MAP4: variants seen among roughly 807,000 people sequenced by gnomAD.
MAP4 encodes the protein microtubule-associated protein 4.
In MAP4, 76 loss-of-function variants were observed where a neutral mutation model predicts 170.2. The observed-to-expected ratio is 0.45, with a 90% CI of 0.37 to 0.54. The LOEUF (loss-of-function observed/expected upper bound fraction) is 0.54. Ranked by LOEUF, MAP4 falls within the 20% of genes least tolerant of loss-of-function variation. The pLI, the probability that MAP4 is intolerant of heterozygous loss-of-function variation, is 0.00. For missense variants in MAP4, 2,506 were observed against 2,748.0 expected, an observed-to-expected ratio of 0.91 and a Z score of 1.97; for synonymous variants, 909 against 994.5, an observed-to-expected ratio of 0.91 and a Z score of 1.62.
intron 1 of MAP4, among the ~76,000 whole-genome samples, chr3:48,044,377 G>C (rs1230623435): frequency 6.6e-6 from 1 of 151,308 alleles, no homozygotes; most frequent in Non-Finnish European, 1.5e-5. Context: ...GGATGGTCTC[G>C]ATCTCCTGAC....
In MAP4 at chr3:47,945,782, C is replaced by T. The variant is rs531238591; in HGVS notation, c.293-17432G>A. Among the ~76,000 whole-genome samples, 122 of 151,782 alleles carry T rather than the reference C, an allele frequency of 8.0e-4. 1 individual carries two copies. The Middle Eastern group carries it at 0.01, about 13-fold the overall frequency. The stretch of plus-strand genomic sequence containing the variant: ...TCACCCAGGCTGGAGTGCAGTGGAG[C>T]GATCTTGGCTCACTGCAGCCTCAAC... On this transcript the variant is annotated intron_variant, in intron 3 of 20. Coordinates refer to ENST00000683076, the MANE Select transcript of MAP4 (RefSeq NM_001385682.1).
At chr3:48,012,914 T>G (rs894979865) in intron 1 of MAP4, among the ~76,000 whole-genome samples, 1 of 152,132 alleles carries the variant, frequency 6.6e-6, no homozygotes, top group Non-Finnish European at 1.5e-5. Context: ...CACCCCCTTA[T>G]GGAAAATGAT....
At chr3:48,065,846 G>A (rs979354261) in intron 1 of MAP4, among the ~76,000 whole-genome samples, 9 of 152,086 alleles carry the variant, frequency 5.9e-5, no homozygotes, top group Non-Finnish European at 1.3e-4. Context: ...AGGCTGGACA[G>A]GGTGGCTCAC....
chr3:48,048,168 GA>G (rs1400207937), intron 1 of MAP4, among the ~76,000 whole-genome samples: 1 of 152,080 alleles, frequency 6.6e-6, no homozygotes, highest in Non-Finnish European at 1.5e-5. Context: ...CAAGAACAAA[GA>G]AAAAAGCAGA....
intron 1 of MAP4, among the ~76,000 whole-genome samples, chr3:48,027,849 A>C (rs1299683645): frequency 2.0e-5 from 3 of 152,180 alleles, no homozygotes; most frequent in African/African-American, 7.2e-5. Context: ...AAAAAAATAA[A>C]AAATCCGAAG....
intron 1 of MAP4, among the ~76,000 whole-genome samples, chr3:48,076,731 C>T (rs765753292): frequency 4.6e-5 from 7 of 152,028 alleles, no homozygotes; most frequent in Non-Finnish European, 8.8e-5. Context: ...AAAAAACAAA[C>T]AAAAGAGAAA....
At chr3:48,001,654 C>A (rs1041644152) in intron 1 of MAP4, among the ~76,000 whole-genome samples, 11 of 151,750 alleles carry the variant, frequency 7.2e-5, no homozygotes, top group Non-Finnish European at 1.3e-4. Flanking sequence ...TACGCACCGC[C>A]ACACCCAGCT....
intron 2 of MAP4, among the ~76,000 whole-genome samples, chr3:47,992,448 C>T (rs1398440522): frequency 2.0e-5 from 3 of 151,908 alleles, no homozygotes; most frequent in South Asian, 2.1e-4. Context: ...TTTTTAGAGA[C>T]GGGGTCTCTC....
intron 10 of MAP4, among the ~76,000 whole-genome samples, chr3:47,897,372 C>T (rs1385280657): frequency 6.6e-6 from 1 of 152,074 alleles, no homozygotes; most frequent in Non-Finnish European, 1.5e-5. Flanking sequence ...GGTGATCTGC[C>T]CAACTCGGCC....
chr3:47,988,979 T>C (rs1371754604), intron 2 of MAP4, among the ~76,000 whole-genome samples: 1 of 152,052 alleles, frequency 6.6e-6, no homozygotes, highest in Non-Finnish European at 1.5e-5. Context: ...CCTGGCTAAT[T>C]TTTTGTATTT....
At chr3:47,862,346 C>CAAAA (rs57751818) in intron 17 of MAP4, among the ~76,000 whole-genome samples, 56 of 52,366 alleles carry the variant, frequency 1.1e-3, no homozygotes, top group Non-Finnish European at 1.7e-3. Context: ...GACTGTGTCT[C>CAAAA]AAAAAAAAAA....
At chr3:48,059,851 A>G (rs1266780634) in intron 1 of MAP4, among the ~76,000 whole-genome samples, 1 of 151,986 alleles carries the variant, frequency 6.6e-6, no homozygotes, top group African/African-American at 2.4e-5. Flanking sequence ...TTGGTGGTAC[A>G]CACCTGTAAT....
intron 10 of MAP4, chr3:47,891,933 T>C: frequency 6.5e-7 from 1 of 1,536,150 alleles, no homozygotes; most frequent in Non-Finnish European, 8.7e-7. Context: ...GGATGAAAGC[T>C]GGGGTTCCAA....
intron 3 of MAP4, among the ~76,000 whole-genome samples, chr3:47,963,159 C>T (rs2100072701): frequency 6.6e-6 from 1 of 152,114 alleles, no homozygotes; most frequent in South Asian, 2.1e-4. Flanking sequence ...CACAATGGAC[C>T]AATATGCTCC....
chr3:48,053,280 G>GA (rs911785317), intron 1 of MAP4, among the ~76,000 whole-genome samples: 3 of 152,100 alleles, frequency 2.0e-5, no homozygotes, highest in Non-Finnish European at 4.4e-5. Context: ...ATAGCAATTA[G>GA]AAAAAACTGT....
chr3:48,065,085 G>A (rs772789104), intron 1 of MAP4, among the ~76,000 whole-genome samples: 13 of 152,186 alleles, frequency 8.5e-5, no homozygotes, highest in South Asian at 4.2e-4. Context: ...AGTTATGATC[G>A]TGCCACTGCA....
Position 47,881,751 on chromosome 3 carries a change from A to T in MAP4, c.5435-4228T>A, listed in dbSNP as rs2096803386. Among the ~76,000 whole-genome samples the T allele has an allele frequency of 2.6e-5, 4 of 151,478 alleles. No individual in the cohort carries two copies. In the South Asian group the frequency reaches 8.3e-4, roughly 32 times the overall value. ...CTCCTGAATAGCTAGGACCACAGGC[A>T]TGTGCCACCATGCCTGGCTAATTTT... On this transcript the variant is annotated intron_variant, in intron 10 of 20. Transcript: ENST00000683076.
intron 3 of MAP4, among the ~76,000 whole-genome samples, chr3:47,972,052 A>G (rs1413234284): frequency 6.6e-6 from 1 of 152,256 alleles, no homozygotes; most frequent in Non-Finnish European, 1.5e-5. Context: ...CTGTTTTAAT[A>G]AAAAGGAAAT....
chr3:47,852,170 C>T lies in MAP4; in HGVS notation c.*764G>A, dbSNP rs929634732. On this transcript the variant is annotated 3_prime_UTR_variant, in exon 21 of 21. Transcript: ENST00000683076. ...CATAAGGATATCTCCGCCCTGTTCC[C>T]TCTAACACTTACTGAGGACTTTCAT... is the stretch of plus-strand genomic sequence containing the variant. 7.0e-4 allele frequency: 107 copies of T among 153,024 alleles called. 1 individual carries two copies. Among genetic ancestry groups the T allele is most frequent in the African/African-American group, 2.5e-3 (105 of 41,576 alleles). The allele number at this position is 153,024 out of a possible 1,614,324, so 9.5% of individuals were successfully genotyped here.
Sources: gnomAD v4.1 joint callset for allele counts (sites outside exome capture counted in the v4.1 genomes callset) on GRCh38, gnomAD v4.1.1 for gene constraint, MANE v1.5 for transcripts, NCBI Gene and HGNC (gene_info 2026-07-23, HGNC 2026-07-21) for gene names.